ABCB11: variants seen among roughly 807,000 people sequenced by gnomAD.
ABCB11 encodes ATP binding cassette subfamily B member 11.
Under a neutral mutation model 148.0 loss-of-function variants are expected in ABCB11, and 95 were observed. The ratio of observed to expected loss-of-function variants is 0.64; its 90% CI spans 0.54 to 0.76. The LOEUF (loss-of-function observed/expected upper bound fraction) is 0.76, where lower values mean the gene tolerates loss of function less well. Ranked by LOEUF, ABCB11 falls within the 30% of genes least tolerant of loss-of-function variation. ABCB11 has a pLI of 0.00. For missense variants in ABCB11, 1,523 were observed against 1,617.8 expected, an observed-to-expected ratio of 0.94 and a Z score of 1.01; for synonymous variants, 591 against 555.4, an observed-to-expected ratio of 1.06 and a Z score of -0.90.
chr2:168,916,170 GT>G (rs1217791046), downstream of ABCB11, among the ~76,000 whole-genome samples: 1 of 152,084 alleles, frequency 6.6e-6, no homozygotes, highest in African/African-American at 2.4e-5. Context: ...TACCACAAAG[GT>G]TTTATCTTTT....
chr2:168,981,079 T>C (rs1360196558), intron 10 of ABCB11, among the ~76,000 whole-genome samples: 2 of 152,194 alleles, frequency 1.3e-5, no homozygotes, highest in South Asian at 2.1e-4. Flanking sequence ...TGGTCTGTGA[T>C]GGTTTCTATA....
intron 24 of ABCB11, among the ~76,000 whole-genome samples, chr2:168,932,057 G>A (rs1409991856): frequency 6.6e-6 from 1 of 152,114 alleles, no homozygotes; most frequent in African/African-American, 2.4e-5. Context: ...TGTAGAATGT[G>A]CAGGCTTGTT....
chr2:168,944,115 T>G (rs950590706), intron 21 of ABCB11, among the ~76,000 whole-genome samples: 2 of 151,944 alleles, frequency 1.3e-5, no homozygotes, highest in Non-Finnish European at 1.5e-5. Context: ...AGTCAGCTCT[T>G]CGACGCCTTC....
rs58414999 is a variant in ABCB11, at chr2:168,921,863, C to CTTT, written c.*1756_*1758dup. 8.1e-6 allele frequency among the ~76,000 whole-genome samples: 1 copy of CTTT among 123,900 alleles called. No homozygotes were observed. The highest frequency in any genetic ancestry group is 3.2e-5 in the African/African-American group (1 of 31,340). The allele number at this position is 123,900 out of a possible 152,430, so 81.3% of individuals were successfully genotyped here. A position where few individuals can be genotyped will look rare whatever the true frequency, so the allele number is the denominator to read the frequency against. ...CTTGACCTCTTTTCTTTTTCTTTTT[C>CTTT]TTTTTTTTTTTTTTTCGCTCTGTCG... On this transcript the variant is annotated 3_prime_UTR_variant, in exon 28 of 28. Transcript: ENST00000650372.
intron 1 of ABCB11, among the ~76,000 whole-genome samples, chr2:169,030,665 A>G (rs1695839636): frequency 6.6e-6 from 1 of 152,220 alleles, no homozygotes; most frequent in Admixed American, 6.5e-5. Context: ...AACTGAAATT[A>G]GATCCTAGAA....
intron 9 of ABCB11, among the ~76,000 whole-genome samples, chr2:168,986,635 C>G (rs1274789699): frequency 2.0e-5 from 3 of 152,030 alleles, no homozygotes. Context: ...CATGACATGT[C>G]CTTATCAGAA....
chr2:168,936,188 A>G, intron 22 of ABCB11, 42 bp downstream of exon 22: 1 of 1,578,038 alleles, frequency 6.3e-7, no homozygotes, highest in Middle Eastern at 1.7e-4. Flanking sequence ...TCTGATAGCC[A>G]CTCAGCCATG....
At chr2:168,917,230 CT>C (rs912218485), downstream of ABCB11, among the ~76,000 whole-genome samples, 19 of 151,450 alleles carry the variant, frequency 1.3e-4, no homozygotes, top group Admixed American at 4.0e-4. Flanking sequence ...ATTTTTCTAC[CT>C]TTTTTTTTCT....
At position 168,921,414 on chromosome 2, in the gene ABCB11, T is replaced by C. The variant is rs114575458; in HGVS notation, c.*2208A>G. ...AAGCTGGAGTAGGGAGAAAACATGA[T>C]GGCAGGATAGGTTGGTGGGAACCGT... On this transcript the variant is annotated 3_prime_UTR_variant, in exon 28 of 28. Coordinates refer to ENST00000650372, the MANE Select transcript of ABCB11 (RefSeq NM_003742.4). Among the ~76,000 whole-genome samples, 4,900 of 152,254 alleles carry C rather than the reference T, an allele frequency of 0.032. 101 individuals are homozygous for C. Among genetic ancestry groups the C allele is most frequent in the Middle Eastern group, 0.1 (30 of 294 alleles).
downstream of ABCB11, among the ~76,000 whole-genome samples, chr2:168,920,608 C>T (rs1219136100): frequency 6.6e-6 from 1 of 151,544 alleles, no homozygotes; most frequent in African/African-American, 2.4e-5. Flanking sequence ...GGTCACAACA[C>T]ACATTATGAA....
rs750203116 is a variant in ABCB11, at chr2:168,958,144, G to T, written c.2179-16C>A. On this transcript the variant is annotated splice_polypyrimidine_tract_variant and intron_variant, in intron 18 of 27. Coordinates refer to ENST00000650372, the MANE Select transcript of ABCB11 (RefSeq NM_003742.4). ...TGTCCTTGTCCTTGAGCAGAGAGAG[G>T]GTTATATTAATCATCTAAATGTACT... The T allele has an allele frequency of 2.5e-6, 4 of 1,607,900 alleles. No individual in the cohort carries two copies. Among genetic ancestry groups the T allele is most frequent in the Non-Finnish European group, 3.4e-6 (4 of 1,176,026 alleles).
chr2:169,011,032 G>A (rs1260940354), intron 5 of ABCB11, among the ~76,000 whole-genome samples: 1 of 152,190 alleles, frequency 6.6e-6, no homozygotes, highest in African/African-American at 2.4e-5. Flanking sequence ...AATGAAGACA[G>A]TGAGTAATGA....
intron 1 of ABCB11, among the ~76,000 whole-genome samples, chr2:169,023,734 A>T (rs1269692617): frequency 6.6e-6 from 1 of 152,246 alleles, no homozygotes; most frequent in Non-Finnish European, 1.5e-5. Flanking sequence ...ATAGATACGC[A>T]GTAGAAATAT....
intron 3 of ABCB11, 27 bp downstream of exon 3, chr2:169,016,751 G>A: frequency 6.3e-7 from 1 of 1,582,402 alleles, no homozygotes; most frequent in Middle Eastern, 1.7e-4. Context: ...TAGAAAAGAT[G>A]CTGCATTGTT....
At chr2:168,941,601 T>A (rs1298499630) in intron 21 of ABCB11, among the ~76,000 whole-genome samples, 2 of 152,054 alleles carry the variant, frequency 1.3e-5, no homozygotes, top group African/African-American at 4.8e-5. Context: ...CCACTCCTGG[T>A]GAAAATGCTA....
At chr2:168,992,842 C>T (rs1312803983) in intron 8 of ABCB11, among the ~76,000 whole-genome samples, 2 of 151,996 alleles carry the variant, frequency 1.3e-5, no homozygotes, top group South Asian at 2.1e-4. Context: ...GAATATTTTG[C>T]TATTGAGCAA....
chr2:168,992,700 C>T (rs1177780769), intron 8 of ABCB11, among the ~76,000 whole-genome samples: 5 of 152,016 alleles, frequency 3.3e-5, no homozygotes, highest in Admixed American at 6.6e-5. Flanking sequence ...ATGGATTTTT[C>T]CTGAGTCACA....
chr2:168,941,673 T>C (rs1475926618), intron 21 of ABCB11, among the ~76,000 whole-genome samples: 1 of 152,036 alleles, frequency 6.6e-6, no homozygotes, highest in Non-Finnish European at 1.5e-5. Context: ...GACATTCTAC[T>C]GTGGGTAAAA....
intron 9 of ABCB11, among the ~76,000 whole-genome samples, chr2:168,986,713 G>C (rs1694339873): frequency 1.3e-5 from 2 of 152,228 alleles, no homozygotes; most frequent in African/African-American, 4.8e-5. Context: ...CTTGGAACTA[G>C]TGTTTGCACC....
Sources: allele counts gnomAD v4.1 joint callset (sites outside exome capture counted in the v4.1 genomes callset), GRCh38; gene constraint gnomAD v4.1.1; transcripts MANE v1.5; gene names NCBI Gene and HGNC (gene_info 2026-07-23, HGNC 2026-07-21).